The following CFAP97D2 variants were observed in gnomAD, a reference collection of about 807,000 sequenced individuals.
The protein encoded by CFAP97D2 is uncharacterized protein CFAP97D2.
intron 2 of CFAP97D2, 140 bp downstream of exon 2, chr13:114,196,616 C>A (rs555044682): frequency 2.3e-5 from 9 of 395,352 alleles, no homozygotes; most frequent in Non-Finnish European, 4.0e-5. Context: ...ATTAATTAGC[C>A]CCGTCTGTCC....
At chr13:114,220,009 G>T (rs1310322459) in intron 4 of CFAP97D2, among the ~76,000 whole-genome samples, 1 of 152,006 alleles carries the variant, frequency 6.6e-6, no homozygotes, top group African/African-American at 2.4e-5. Context: ...GACCAGCCAC[G>T]TACCAAGCTG....
chr13:114,222,106 C>T lies in CFAP97D2; in HGVS notation c.481-392C>T, dbSNP rs553111542. Among the ~76,000 whole-genome samples, 1 of 152,300 alleles carries T rather than the reference C, an allele frequency of 6.6e-6. No individual in the cohort carries two copies. The highest frequency in any genetic ancestry group is 1.9e-4 in the East Asian group (1 of 5,186). On this transcript the variant is annotated intron_variant, in intron 4 of 4. Coordinates refer to ENST00000646158, the Ensembl canonical transcript of CFAP97D2. This position sits in a 1 kb window ranked among gnomAD's most constrained non-coding sequence, Gnocchi z 4.4. ...CCGTGAAAAAGCTGGATACTAAATG[C>T]CGCATGTTGTCTGATCCCTTTTATA... is the stretch of plus-strand genomic sequence containing the variant.
chr13:114,210,483 G>A (rs1204637473), intron 3 of CFAP97D2, among the ~76,000 whole-genome samples: 1 of 152,094 alleles, frequency 6.6e-6, no homozygotes, highest in Non-Finnish European at 1.5e-5. Flanking sequence ...TTTAACATTA[G>A]CATCCTTGCC....
intron 1 of CFAP97D2, among the ~76,000 whole-genome samples, chr13:114,181,922 C>T (rs1384891738): frequency 6.6e-6 from 1 of 152,062 alleles, no homozygotes; most frequent in African/African-American, 2.4e-5. Flanking sequence ...GAAGGGGTGG[C>T]CTGCCCCTCC....
At chr13:114,222,767 T>C (rs2081026919), downstream of CFAP97D2, 1 of 379,928 alleles carries the variant, frequency 2.6e-6, no homozygotes, top group Admixed American at 4.5e-5. This position sits in a 1 kb window ranked among gnomAD's most constrained non-coding sequence, Gnocchi z 4.4. Context: ...CCGGAGCAGC[T>C]GTGAAGTGCC....
At chr13:114,188,629 T>G (rs1253961221) in intron 1 of CFAP97D2, among the ~76,000 whole-genome samples, 1 of 151,500 alleles carries the variant, frequency 6.6e-6, no homozygotes, top group African/African-American at 2.4e-5. Flanking sequence ...TACAAAAAAT[T>G]AGACGGGTGT....
intron 4 of CFAP97D2, among the ~76,000 whole-genome samples, chr13:114,213,665 A>C (rs1226188268): frequency 6.8e-6 from 1 of 146,708 alleles, no homozygotes; most frequent in East Asian, 2.1e-4. Context: ...ACCCCTGTGG[A>C]AGCTCCAGGA....
Position 114,211,878 on chromosome 13 carries a change from C to A in CFAP97D2, c.291-34C>A. The A allele has an allele frequency of 2.5e-6, 1 of 398,626 alleles. No homozygotes were observed. The highest frequency in any genetic ancestry group is 1.3e-4 in the South Asian group (1 of 7,826). The allele number at this position is 398,626 out of a possible 1,614,324, so 24.7% of individuals were successfully genotyped here. On this transcript the variant is annotated intron_variant, in intron 3 of 4. Coordinates refer to ENST00000646158, the Ensembl canonical transcript of CFAP97D2. The surrounding 1 kb of genome is among the most constrained non-coding windows in gnomAD (Gnocchi z 4.2). ...GAGGGAATGGCAGCCTTAATAAAAT[C>A]CAAATTTCAAAATGTGTGTGCTCTT...
intron 1 of CFAP97D2, among the ~76,000 whole-genome samples, chr13:114,183,834 C>T (rs775591933): frequency 9.9e-5 from 15 of 152,192 alleles, no homozygotes; most frequent in Non-Finnish European, 2.1e-4. Flanking sequence ...CACAAACATT[C>T]GAGGCATAGC....
chr13:114,191,040 C>T (rs1388157535), intron 1 of CFAP97D2, among the ~76,000 whole-genome samples: 1 of 152,102 alleles, frequency 6.6e-6, no homozygotes, highest in Non-Finnish European at 1.5e-5. Flanking sequence ...GAAGAGGAAT[C>T]CAGACACAGA....
In CFAP97D2 at chr13:114,187,645, A is replaced by G. The variant is rs117903233; in HGVS notation, c.90+8225A>G. 0.012 allele frequency among the ~76,000 whole-genome samples: 1,767 copies of G among 152,352 alleles called. 96 individuals carry two copies. The highest frequency in any genetic ancestry group is 0.081 in the Admixed American group (1,245 of 15,306). Reference sequence around the variant, plus strand: ...GAAAAAATAGATGAATCCCCTTATCACAATTGGAGACTTCAACACCCCCTG... The same window carrying G: ...GAAAAAATAGATGAATCCCCTTATCGCAATTGGAGACTTCAACACCCCCTG... On this transcript the variant is annotated intron_variant, in intron 1 of 4. Coordinates refer to ENST00000646158, the Ensembl canonical transcript of CFAP97D2. This position sits in a 1 kb window ranked among gnomAD's most constrained non-coding sequence, Gnocchi z 4.2.
chr13:114,195,747 G>A (rs2080883855), intron 1 of CFAP97D2, among the ~76,000 whole-genome samples: 1 of 152,130 alleles, frequency 6.6e-6, no homozygotes. Flanking sequence ...TTAAAGTGAG[G>A]TGGATGCAGG....
chr13:114,190,558 T>G (rs1468482667), intron 1 of CFAP97D2, among the ~76,000 whole-genome samples: 1 of 152,050 alleles, frequency 6.6e-6, no homozygotes, highest in Non-Finnish European at 1.5e-5. Context: ...ACCCAAAAAG[T>G]GAAATACTTA....
At chr13:114,206,358 C>T (rs756676920) in intron 3 of CFAP97D2, among the ~76,000 whole-genome samples, 2 of 152,226 alleles carry the variant, frequency 1.3e-5, no homozygotes, top group African/African-American at 2.4e-5. Context: ...CCACCTCAGC[C>T]TCCCAAAGTG....
chr13:114,182,021 C>T (rs1160258414), intron 1 of CFAP97D2, among the ~76,000 whole-genome samples: 4 of 152,066 alleles, frequency 2.6e-5, no homozygotes, highest in African/African-American at 9.7e-5. Flanking sequence ...TAACAGTGGG[C>T]CCAGGGGACC....
At position 114,214,821 on chromosome 13, in the gene CFAP97D2, A is replaced by C. The variant is rs142240569; in HGVS notation, c.480+2720A>C. Among the ~76,000 whole-genome samples the C allele has an allele frequency of 3.3e-5, 5 of 152,312 alleles. No individual in the cohort carries two copies. In the East Asian group the frequency reaches 9.6e-4, roughly 29 times the overall value. ...TTTCTGTAAATTGCTCATTTCACTCAATAATGTATCATACAAATAGTTTCA... is the reference window on the plus strand; with the variant it reads ...TTTCTGTAAATTGCTCATTTCACTCCATAATGTATCATACAAATAGTTTCA... On this transcript the variant is annotated intron_variant, in intron 4 of 4. Transcript: ENST00000646158.
intron 3 of CFAP97D2, among the ~76,000 whole-genome samples, chr13:114,206,594 G>A (rs956788334): frequency 6.6e-6 from 1 of 152,162 alleles, no homozygotes; most frequent in Admixed American, 6.5e-5. Context: ...CATATTAGAC[G>A]ATTCCACGTA....
chr13:114,211,412 C>T lies in CFAP97D2; in HGVS notation c.291-500C>T, dbSNP rs1336905114. 2.6e-5 allele frequency among the ~76,000 whole-genome samples: 4 copies of T among 152,350 alleles called. No homozygotes were observed. The highest frequency in any genetic ancestry group is 9.6e-5 in the African/African-American group (4 of 41,582). On this transcript the variant is annotated intron_variant, in intron 3 of 4. Transcript: ENST00000646158. This position sits in a 1 kb window ranked among gnomAD's most constrained non-coding sequence, Gnocchi z 4.2. ...TTCAGTGGCTCCACACTGTCTTCCA[C>T]ATGTGCCAGACTCTGTGCACTGCTA...
intron 2 of CFAP97D2, among the ~76,000 whole-genome samples, chr13:114,199,200 T>C (rs561689195): frequency 4.8e-5 from 1 of 21,020 alleles, no homozygotes; most frequent in Non-Finnish European, 6.9e-5. Context: ...CGTCCCCGTG[T>C]GTACGGTCCC....
Sources: gnomAD v4.1 joint callset for allele counts (sites outside exome capture counted in the v4.1 genomes callset) on GRCh38, gnomAD v4.1.1 for gene constraint, Gnocchi (gnomAD v3.1) non-coding constraint, MANE v1.5 for transcripts, NCBI Gene and HGNC (gene_info 2026-07-23, HGNC 2026-07-21) for gene names.